Variants in RGS3 observed in about 807,000 individuals in gnomAD.
RGS3 encodes the protein regulator of G protein signaling 3.
RGS3 carries 80 observed loss-of-function variants against 132.6 expected under a neutral mutation model. That is an observed-to-expected ratio of 0.60 (90% CI 0.50 to 0.73). The LOEUF is 0.73. RGS3 is among the 30% of genes least tolerant of loss of function. RGS3 has a pLI of 0.00. For synonymous variants in RGS3, 598 were observed against 620.6 expected (o/e 0.96, Z 0.54); for missense variants, 1,382 against 1,530.8 (o/e 0.90, Z 1.62).
intron 19 of RGS3, among the ~76,000 whole-genome samples, chr9:113,552,505 A>G (rs1833382462): frequency 1.3e-5 from 2 of 152,052 alleles, no homozygotes; most frequent in South Asian, 2.1e-4. Flanking sequence ...TTTTTAGTAG[A>G]GACGGGGTTT....
At chr9:113,545,776 C>G (rs546174641) in intron 19 of RGS3, among the ~76,000 whole-genome samples, 7 of 152,202 alleles carry the variant, frequency 4.6e-5, no homozygotes, top group Non-Finnish European at 5.9e-5. Flanking sequence ...CCTACCCTGT[C>G]TCATCTAATC....
chr9:113,466,779 A>G (rs1052406136), intron 3 of RGS3, among the ~76,000 whole-genome samples: 2 of 152,204 alleles, frequency 1.3e-5, no homozygotes, highest in Non-Finnish European at 1.5e-5. Flanking sequence ...CATACAATTC[A>G]ATGGTTTTTA....
chr9:113,485,161 C>T (rs1213243002), intron 6 of RGS3, among the ~76,000 whole-genome samples: 1 of 152,032 alleles, frequency 6.6e-6, no homozygotes, highest in African/African-American at 2.4e-5. Flanking sequence ...AATCTCGGCT[C>T]ACTGTAAGCT....
At chr9:113,518,570 A>G (rs1324150178) in intron 16 of RGS3, among the ~76,000 whole-genome samples, 2 of 152,106 alleles carry the variant, frequency 1.3e-5, no homozygotes, top group Non-Finnish European at 2.9e-5. Context: ...CTGAAGCAGG[A>G]GGTTGGTTTG....
chr9:113,549,624 C>T (rs1488462222), intron 19 of RGS3, among the ~76,000 whole-genome samples: 1 of 152,188 alleles, frequency 6.6e-6, no homozygotes, highest in East Asian at 1.9e-4. Context: ...GGAATGTGTC[C>T]TGTCAGGCAT....
In RGS3 at chr9:113,484,182, G is replaced by A. The variant is rs772576884; in HGVS notation, c.570G>A (p.Thr190=). The A allele has an allele frequency of 1.4e-5, 23 of 1,612,906 alleles. No homozygotes were observed. The East Asian group carries it at 3.1e-4, about 22-fold the overall frequency. Residue 190 remains threonine (T), a synonymous_variant, in exon 6 of 25, where the codon ACG becomes ACA. Transcript: ENST00000350696. ...ATAGTAGACTACGCCACCAGAAGAC[G>A]CAGACCGTTCCAGACTGCAGAGACC...
chr9:113,596,726 C>T, intron 24 of RGS3, 42 bp from the exon 23 acceptor site: 2 of 1,562,710 alleles, frequency 1.3e-6, no homozygotes, highest in Non-Finnish European at 8.7e-7. Flanking sequence ...AGGGTCAGTC[C>T]CCAGCAGGCA....
At chr9:113,489,595 C>T (rs903779527) in intron 7 of RGS3, among the ~76,000 whole-genome samples, 3 of 152,138 alleles carry the variant, frequency 2.0e-5, no homozygotes, top group African/African-American at 7.2e-5. Context: ...GTGATTAGAG[C>T]TTACTGCAGC....
Position 113,583,683 on chromosome 9 carries a change from T to G in RGS3, c.2271T>G (p.Asp757Glu), listed in dbSNP as rs778293722. ...CTGAAGGATCCCCTCCAGGCCCAGA[T>G]GCTCCGCCCAGCAAGGATGTGCCAC... The change falls in exon 20 of 25, where the codon GAT becomes GAG. Residue 757 changes from aspartate to glutamate, a missense_variant. Asp to Glu is a conservative substitution (Grantham distance 45, BLOSUM62 2). Coordinates refer to ENST00000350696, the Ensembl canonical transcript of RGS3. 4.3e-6 allele frequency: 7 copies of G among 1,614,024 alleles called. No homozygotes were observed. The South Asian group carries it at 6.6e-5, about 15-fold the overall frequency.
At chr9:113,480,275 A>G (rs998594027) in intron 4 of RGS3, among the ~76,000 whole-genome samples, 8 of 151,930 alleles carry the variant, frequency 5.3e-5, no homozygotes, top group Non-Finnish European at 1.0e-4. Flanking sequence ...TGGCCAACAT[A>G]CTGAAACCCC....
Position 113,497,419 on chromosome 9 carries a change from C to G in RGS3, c.841+15C>G, listed in dbSNP as rs374089707. On this transcript the variant is annotated intron_variant, in intron 9 of 24. Coordinates refer to ENST00000350696, the Ensembl canonical transcript of RGS3. ...GCCGCTGAGAGGTACCTGCACACCCCCTTCAGCTTCCCTTCCCAGGACCTG... is the reference window on the plus strand; with the variant it reads ...GCCGCTGAGAGGTACCTGCACACCCGCTTCAGCTTCCCTTCCCAGGACCTG... The G allele has an allele frequency of 7.8e-5, 125 of 1,607,590 alleles. No individual in the cohort carries two copies. The highest frequency in any genetic ancestry group is 9.9e-5 in the Non-Finnish European group (116 of 1,176,304).
chr9:113,562,631 G>A (rs1344432737), intron 19 of RGS3, among the ~76,000 whole-genome samples: 2 of 152,130 alleles, frequency 1.3e-5, no homozygotes, highest in African/African-American at 4.8e-5. Context: ...AGTGATTGGG[G>A]CCCAGTTCCT....
At position 113,507,071 on chromosome 9, in the gene RGS3, A is replaced by C. The variant is rs1831160866; in HGVS notation, c.1086-216A>C. ...CTGGCCTGGCCTCAGGGTCCTTCTC[A>C]ACCACTGCCCGTCAATAGGAATTGA... On this transcript the variant is annotated intron_variant, in intron 12 of 24. Coordinates refer to ENST00000350696, the Ensembl canonical transcript of RGS3. This position sits in a 1 kb window ranked among gnomAD's most constrained non-coding sequence, Gnocchi z 5.0. 6.6e-6 allele frequency among the ~76,000 whole-genome samples: 1 copy of C among 152,122 alleles called. No individual in the cohort carries two copies. The highest frequency in any genetic ancestry group is 1.5e-5 in the Non-Finnish European group (1 of 68,008).
In RGS3 at chr9:113,537,053, C is replaced by A; in HGVS notation, c.2037+135C>A. ...CTCTGGGCAATGAGCTCTTGGCAAG[C>A]GGGGACCTGTGCCCGAATGTCTCTC... On this transcript the variant is annotated intron_variant, in intron 19 of 24. Transcript: ENST00000350696. The surrounding 1 kb of genome is among the most constrained non-coding windows in gnomAD (Gnocchi z 4.3). The A allele has an allele frequency of 2.6e-6, 2 of 764,638 alleles. No homozygotes were observed. The highest frequency in any genetic ancestry group is 4.2e-6 in the Non-Finnish European group (2 of 478,070). The allele number at this position is 764,638 out of a possible 1,614,324, so 47.4% of individuals were successfully genotyped here.
intron 7 of RGS3, among the ~76,000 whole-genome samples, chr9:113,495,066 G>A (rs753925704): frequency 6.6e-6 from 1 of 151,290 alleles, no homozygotes; most frequent in Non-Finnish European, 1.5e-5. Context: ...GTAGAGACAG[G>A]GTTTCACCAT....
At chr9:113,515,465 C>A (rs1231915020) in intron 15 of RGS3, among the ~76,000 whole-genome samples, 2 of 152,018 alleles carry the variant, frequency 1.3e-5, no homozygotes, top group African/African-American at 4.8e-5. Context: ...CCCATCTCTA[C>A]TAAAAATACA....
Position 113,463,838 on chromosome 9 carries a change from C to G in RGS3, c.415+1637C>G. The G allele has an allele frequency of 6.2e-7, 1 of 1,613,006 alleles. No individual in the cohort carries two copies. The highest frequency in any genetic ancestry group is 8.5e-7 in the Non-Finnish European group (1 of 1,179,764). Reference sequence around the variant, plus strand: ...CCCTGCACCGCGTCTCCCTCGGGAGCCGGCGTGCCCACCCGGACTTGTCCT... The same window carrying G: ...CCCTGCACCGCGTCTCCCTCGGGAGGCGGCGTGCCCACCCGGACTTGTCCT... On this transcript the variant is annotated intron_variant, in intron 3 of 24. Transcript: ENST00000350696. The surrounding 1 kb of genome is among the most constrained non-coding windows in gnomAD (Gnocchi z 4.6).
At chr9:113,596,266 G>A (rs768816362) in intron 24 of RGS3, among the ~76,000 whole-genome samples, 6 of 152,150 alleles carry the variant, frequency 3.9e-5, no homozygotes, top group Non-Finnish European at 8.8e-5. Context: ...CCCGGGAGGC[G>A]GAGGTTGCAG....
At chr9:113,458,090 T>G (rs2119153193), upstream of RGS3, among the ~76,000 whole-genome samples, 1 of 152,344 alleles carries the variant, frequency 6.6e-6, no homozygotes, top group East Asian at 1.9e-4. Flanking sequence ...GTATGCATGA[T>G]CGAGTCAGTA....
Sources: allele counts gnomAD v4.1 joint callset (sites outside exome capture counted in the v4.1 genomes callset), GRCh38; gene constraint gnomAD v4.1.1; non-coding constraint Gnocchi (gnomAD v3.1); transcripts MANE v1.5; gene names NCBI Gene and HGNC (gene_info 2026-07-23, HGNC 2026-07-21).